The following GSE1 variants were observed in gnomAD, a reference collection of about 807,000 sequenced individuals.
The protein encoded by GSE1 is Gse1 coiled-coil protein.
A neutral mutation model predicts 112.6 loss-of-function variants in GSE1; 32 were observed. The observed-to-expected ratio is 0.28, with a 90% CI of 0.21 to 0.38. GSE1 has a LOEUF of 0.38. Ranked by LOEUF, GSE1 falls within the 10% of genes least tolerant of loss-of-function variation. The probability of loss-of-function intolerance (pLI) is 1.00; values close to 1 mark genes in which losing one functional copy is unlikely to be tolerated. For synonymous variants in GSE1, 1,115 were observed against 735.6 expected, an observed-to-expected ratio of 1.52 and a Z score of -8.35; for missense variants, 2,348 against 1,699.2, an observed-to-expected ratio of 1.38 and a Z score of -6.71.
rs1441846966 is a variant in GSE1 at position 85,315,655 on chromosome 16, A to T, written c.2284-41808A>T. On this transcript the variant is annotated intron_variant, in intron 1 of 2. Transcript: ENST00000637419. ...GACTTGAGACCGTGTGTAAGGCAAG[A>T]GAGGAGTACGCACCGGTTCCATTTG... Among the ~76,000 whole-genome samples the T allele has an allele frequency of 2.0e-5, 3 of 152,210 alleles. No homozygotes were observed. In the East Asian group the frequency reaches 5.8e-4, roughly 29 times the overall value.
intron 2 of GSE1, among the ~76,000 whole-genome samples, chr16:85,475,064 T>C (rs1468218694): frequency 3.3e-5 from 5 of 152,108 alleles, no homozygotes; most frequent in African/African-American, 1.2e-4. Flanking sequence ...GGACGATAAA[T>C]TGTGCCTTGT....
chr16:85,330,542 C>T (rs1353893270), intron 1 of GSE1, among the ~76,000 whole-genome samples: 4 of 152,246 alleles, frequency 2.6e-5, no homozygotes, highest in Non-Finnish European at 4.4e-5. Flanking sequence ...GACAGCCCCT[C>T]GCAGCAGGCG....
chr16:85,659,946 G>A (rs1160937585), intron 8 of GSE1, among the ~76,000 whole-genome samples: 5 of 152,210 alleles, frequency 3.3e-5, no homozygotes, highest in South Asian at 2.1e-4. Context: ...GGGCAGTCTC[G>A]GCACAGGCCC....
At chr16:85,455,673 C>T (rs575335274) in intron 2 of GSE1, among the ~76,000 whole-genome samples, 13 of 152,346 alleles carry the variant, frequency 8.5e-5, no homozygotes, top group East Asian at 3.9e-4. Flanking sequence ...GAGCCTGGCG[C>T]GCTGCAAGCT....
intron 1 of GSE1, among the ~76,000 whole-genome samples, chr16:85,623,800 G>GC (rs2048890673): frequency 1.3e-5 from 2 of 152,126 alleles, no homozygotes; most frequent in African/African-American, 4.8e-5. Context: ...GGCCCTTTCT[G>GC]CCCCCGCGCC....
At chr16:85,249,452 C>T (rs529422215) in intron 1 of GSE1, among the ~76,000 whole-genome samples, 23 of 152,236 alleles carry the variant, frequency 1.5e-4, no homozygotes, top group Non-Finnish European at 2.5e-4. Context: ...GCCGTCAGCC[C>T]GTTTCAGACT....
chr16:85,450,598 G>T (rs1253445659), intron 2 of GSE1, among the ~76,000 whole-genome samples: 1 of 151,556 alleles, frequency 6.6e-6, no homozygotes. Flanking sequence ...ACAGGCGCCC[G>T]CTACCATGCC....
intron 1 of GSE1, among the ~76,000 whole-genome samples, chr16:85,581,564 C>T (rs941536300): frequency 2.0e-5 from 3 of 152,150 alleles, no homozygotes; most frequent in African/African-American, 4.8e-5. Flanking sequence ...CCCTGGAGAG[C>T]CTGGTCCTAC....
rs140992071 is a variant in GSE1 at position 85,179,997 on chromosome 16, C to G, written c.2283+8190C>G. Among the ~76,000 whole-genome samples, 1,278 of 152,304 alleles carry G rather than the reference C, an allele frequency of 8.4e-3. 20 individuals are homozygous for G. Among genetic ancestry groups the G allele is most frequent in the African/African-American group, 0.029 (1,203 of 41,556 alleles). On this transcript the variant is annotated intron_variant, in intron 1 of 2. Coordinates refer to the GSE1 transcript ENST00000637419. ...CACAGCTGACAGTCGCTAACCATCT[C>G]GTCTTTCTACATGTGTTGGCGGGGG...
At chr16:85,314,863 G>C (rs2045954931) in intron 1 of GSE1, among the ~76,000 whole-genome samples, 1 of 152,196 alleles carries the variant, frequency 6.6e-6, no homozygotes, top group Non-Finnish European at 1.5e-5. Context: ...ACCATCCTGG[G>C]ACCCTCCCAG....
At chr16:85,238,263 A>G (rs1185817275) in intron 1 of GSE1, among the ~76,000 whole-genome samples, 1 of 152,134 alleles carries the variant, frequency 6.6e-6, no homozygotes, top group Non-Finnish European at 1.5e-5. Flanking sequence ...ATCCCCAGAC[A>G]GAGTCCCCCT....
chr16:85,386,864 G>A (rs2047699495), intron 2 of GSE1, among the ~76,000 whole-genome samples: 2 of 152,168 alleles, frequency 1.3e-5, no homozygotes, highest in South Asian at 4.1e-4. Context: ...AGGGGCCAGG[G>A]TGCCATTCCT....
intron 1 of GSE1, among the ~76,000 whole-genome samples, chr16:85,303,023 A>C (rs902332731): frequency 6.6e-6 from 1 of 152,146 alleles, no homozygotes; most frequent in African/African-American, 2.4e-5. Flanking sequence ...CTCGACCTAC[A>C]TTGCGCTGAC....
rs1178472840 is a variant in GSE1, at chr16:85,661,347, C to T, written c.1842C>T (p.Pro614=). The T allele has an allele frequency of 7.4e-6, 12 of 1,612,046 alleles. No homozygotes were observed. Among genetic ancestry groups the T allele is most frequent in the African/African-American group, 1.3e-5 (1 of 74,934 alleles). ...SLHSHPAAFE[P]SRQAAVPLVK... ...ACAGCCACCCGGCTGCATTTGAGCC[C>T]AGCCGCCAGGCAGCCGTGCCGCTGG... Residue 614 remains proline, a synonymous_variant, in exon 9 of 16, where the codon CCC becomes CCT. Coordinates refer to ENST00000253458, the MANE Select transcript of GSE1 (RefSeq NM_014615.5).
Position 85,665,140 on chromosome 16 carries a change from A to G in GSE1, c.2758+12A>G. ...CGTCTCCCTGAGTGGTAAGGGAAGGATAGCCCCACCTGCCACCACCCAGGA... is the reference window on the plus strand; with the variant it reads ...CGTCTCCCTGAGTGGTAAGGGAAGGGTAGCCCCACCTGCCACCACCCAGGA... On this transcript the variant is annotated intron_variant, in intron 12 of 15. Coordinates refer to ENST00000253458, the MANE Select transcript of GSE1 (RefSeq NM_014615.5). The G allele has an allele frequency of 6.6e-7, 1 of 1,517,460 alleles. No individual in the cohort carries two copies. The highest frequency in any genetic ancestry group is 9.1e-7 in the Non-Finnish European group (1 of 1,092,928). The allele number at this position is 1,517,460 out of a possible 1,614,324, so 94.0% of individuals were successfully genotyped here. A position where few individuals can be genotyped will look rare whatever the true frequency, so the allele number is the denominator to read the frequency against.
chr16:85,296,110 A>G (rs1222522032), intron 1 of GSE1, among the ~76,000 whole-genome samples: 1 of 152,092 alleles, frequency 6.6e-6, no homozygotes, highest in Non-Finnish European at 1.5e-5. Context: ...AGCTGTTTCA[A>G]GGCTGAGGGG....
chr16:85,263,559 A>T (rs780993417), intron 1 of GSE1, among the ~76,000 whole-genome samples: 38 of 150,512 alleles, frequency 2.5e-4, no homozygotes, highest in Non-Finnish European at 5.0e-4. Flanking sequence ...CACCAGATGA[A>T]ATGGCCACTT....
intron 2 of GSE1, among the ~76,000 whole-genome samples, chr16:85,498,174 G>A (rs1200971970): frequency 1.3e-5 from 2 of 152,130 alleles, no homozygotes; most frequent in Non-Finnish European, 2.9e-5. Flanking sequence ...CGTTTGTTCT[G>A]CAGGCTGCGA....
In GSE1 at chr16:85,654,445, A is replaced by C. The variant is rs367838938; in HGVS notation, c.594A>C (p.Pro198=). The C allele has an allele frequency of 3.8e-6, 6 of 1,564,598 alleles. No homozygotes were observed. The highest frequency in any genetic ancestry group is 2.3e-5 in the East Asian group (1 of 44,252). Residue 198 remains proline, a synonymous_variant, in exon 4 of 16, where the codon CCA becomes CCC. Coordinates refer to ENST00000253458, the MANE Select transcript of GSE1 (RefSeq NM_014615.5). ...TTGTGCAGGATTCCCGCTTCCCGCC[A>C]CTCAAGTAAGTTGGTCGGCGGGGAC... ...SSVVQDSRFP[P]LNLQRPVHHV...
Sources: allele counts gnomAD v4.1 joint callset (sites outside exome capture counted in the v4.1 genomes callset), GRCh38; gene constraint gnomAD v4.1.1; transcripts MANE v1.5; gene names NCBI Gene and HGNC (gene_info 2026-07-23, HGNC 2026-07-21).